Variants in SLCO1B3 observed in about 807,000 individuals in gnomAD.
SLCO1B3 encodes liver-specific organic anion transporter 2.
In SLCO1B3, 72 loss-of-function variants were observed where a neutral mutation model predicts 71.8. The ratio of observed to expected loss-of-function variants is 1.00; its 90% confidence interval spans 0.83 to 1.22. The LOEUF (loss-of-function observed/expected upper bound fraction) is 1.22, where lower values mean the gene tolerates loss of function less well. Ranked by LOEUF, SLCO1B3 falls within the 50% of genes most tolerant of loss-of-function variation. The probability of loss-of-function intolerance (pLI) is 0.00; values close to 1 mark genes in which losing one functional copy is unlikely to be tolerated. For synonymous variants in SLCO1B3, 298 were observed against 278.4 expected (o/e 1.07, Z -0.70); for missense variants, 911 against 819.7 (o/e 1.11, Z -1.36).
intron 13 of SLCO1B3, among the ~76,000 whole-genome samples, chr12:20,895,024 A>G (rs977361510): frequency 2.6e-5 from 4 of 152,202 alleles, no homozygotes; most frequent in African/African-American, 9.6e-5. Flanking sequence ...CGCATTATAA[A>G]GCAATCAAAC....
chr12:20,889,923 T>G (rs911391630), intron 13 of SLCO1B3, among the ~76,000 whole-genome samples: 8 of 152,030 alleles, frequency 5.3e-5, no homozygotes, highest in East Asian at 1.9e-4. Flanking sequence ...TAATTTTTTT[T>G]TTTTTGTTTT....
At chr12:20,849,711 TCACA>T (rs146186543) in intron 3 of SLCO1B3, among the ~76,000 whole-genome samples, 3,557 of 126,314 alleles carry the variant, frequency 0.028, 109 homozygotes, top group African/African-American at 0.08. Context: ...TAGTAGAAAA[TCACA>T]CACACACACA....
intron 8 of SLCO1B3, among the ~76,000 whole-genome samples, chr12:20,863,250 T>A (rs1217539240): frequency 3.9e-5 from 6 of 151,928 alleles, no homozygotes; most frequent in Non-Finnish European, 8.8e-5. Flanking sequence ...CTGCATTGAC[T>A]TACGGCAGGG....
chr12:20,846,868 G>A (rs563976811), intron 3 of SLCO1B3, among the ~76,000 whole-genome samples: 97 of 152,028 alleles, frequency 6.4e-4, no homozygotes, highest in Non-Finnish European at 1.1e-3. Flanking sequence ...ACAGCTTGCC[G>A]TGACTGCAGG....
At chr12:20,894,841 C>T (rs1330557416) in intron 13 of SLCO1B3, among the ~76,000 whole-genome samples, 1 of 152,050 alleles carries the variant, frequency 6.6e-6, no homozygotes, top group Non-Finnish European at 1.5e-5. Flanking sequence ...TGTTTTTATG[C>T]TGCTGATAAA....
chr12:20,829,282 T>G lies in SLCO1B3; in HGVS notation c.84+13460T>G, dbSNP rs1000034198. Reference sequence around the variant, plus strand: ...TAAGGAGAATTTCCAAGACAAAAACTACAATTCAGCTACTGCCTAGGAATG... The same window carrying G: ...TAAGGAGAATTTCCAAGACAAAAACGACAATTCAGCTACTGCCTAGGAATG... On this transcript the variant is annotated intron_variant, in intron 3 of 15. Coordinates refer to ENST00000381545, the MANE Select transcript of SLCO1B3 (RefSeq NM_019844.4). Among the ~76,000 whole-genome samples, 6 of 152,194 alleles carry G rather than the reference T, an allele frequency of 3.9e-5. No individual in the cohort carries two copies. In the East Asian group the frequency reaches 9.6e-4, roughly 24 times the overall value.
At chr12:20,820,743 AG>A in intron 3 of SLCO1B3, among the ~76,000 whole-genome samples, 1 of 152,202 alleles carries the variant, frequency 6.6e-6, no homozygotes, top group African/African-American at 2.4e-5. Flanking sequence ...TTGACCTTTT[AG>A]GGTCTAGGGC....
chr12:20,877,648 G>A lies in SLCO1B3; in HGVS notation c.971-124G>A, dbSNP rs4149135. The A allele has an allele frequency of 0.79, 301,135 of 382,178 alleles. 122,318 individuals carry two copies. Among genetic ancestry groups the A allele is most frequent in the South Asian group, 0.9 (7,334 of 8,112 alleles). The allele number at this position is 382,178 out of a possible 1,614,324, so 23.7% of individuals were successfully genotyped here. A position where few individuals can be genotyped will look rare whatever the true frequency, so the allele number is the denominator to read the frequency against. On this transcript the variant is annotated intron_variant, in intron 9 of 15. Coordinates refer to ENST00000381545, the MANE Select transcript of SLCO1B3 (RefSeq NM_019844.4). ...GTTCCATTTATTTTGAGCAAAGGTC[G>A]CGACTCTCTTAGAAAGCCTCACAAA... is the stretch of plus-strand genomic sequence containing the variant.
At chr12:20,867,392 T>C (rs949779542) in intron 8 of SLCO1B3, among the ~76,000 whole-genome samples, 8 of 150,682 alleles carry the variant, frequency 5.3e-5, no homozygotes, top group Admixed American at 2.6e-4. Flanking sequence ...ATGGAATTCA[T>C]AACCATTCAA....
intron 12 of SLCO1B3, among the ~76,000 whole-genome samples, chr12:20,881,401 G>A (rs1206259748): frequency 6.6e-6 from 1 of 152,152 alleles, no homozygotes; most frequent in African/African-American, 2.4e-5. Context: ...AAAGTTCAGA[G>A]TTAGCCTGTT....
chr12:20,841,448 A>G (rs1864799383), intron 3 of SLCO1B3, among the ~76,000 whole-genome samples: 1 of 152,110 alleles, frequency 6.6e-6, no homozygotes, highest in African/African-American at 2.4e-5. Flanking sequence ...TTAAAATAAG[A>G]TTTGCCCCAA....
chr12:20,900,206 G>T (rs1866099314), intron 14 of SLCO1B3, among the ~76,000 whole-genome samples: 1 of 152,094 alleles, frequency 6.6e-6, no homozygotes, highest in African/African-American at 2.4e-5. Flanking sequence ...GTTTGCTTCA[G>T]ATGCATTGGC....
At chr12:20,912,874 A>C (rs1866413606) in intron 15 of SLCO1B3, among the ~76,000 whole-genome samples, 1 of 43,704 alleles carries the variant, frequency 2.3e-5, no homozygotes, top group Non-Finnish European at 1.4e-4. Flanking sequence ...CATGTTGTTC[A>C]CCATGTTGAT....
intron 3 of SLCO1B3, among the ~76,000 whole-genome samples, chr12:20,833,648 C>G (rs901876577): frequency 7.7e-6 from 1 of 129,772 alleles, no homozygotes; most frequent in Admixed American, 8.8e-5. Context: ...TATATACACA[C>G]AAACTGTGTG....
At chr12:20,845,065 C>G (rs1864886587) in intron 3 of SLCO1B3, 5 of 365,528 alleles carry the variant, frequency 1.4e-5, no homozygotes, top group Non-Finnish European at 2.6e-5. Context: ...TTCTATCCCT[C>G]TAAGTTTCAG....
chr12:20,818,266 T>C (rs975431742), intron 3 of SLCO1B3, among the ~76,000 whole-genome samples: 5 of 152,086 alleles, frequency 3.3e-5, no homozygotes, highest in Non-Finnish European at 1.5e-5. Flanking sequence ...GTGTTTTTAA[T>C]AGACTATTAG....
At chr12:20,857,653 G>A (rs1865168091) in intron 4 of SLCO1B3, among the ~76,000 whole-genome samples, 1 of 151,790 alleles carries the variant, frequency 6.6e-6, no homozygotes, top group Non-Finnish European at 1.5e-5. Flanking sequence ...TTTAAAAAAA[G>A]TTTCTACTCT....
rs3060437 is a variant in SLCO1B3, at chr12:20,825,798, CA to C, written c.84+9994del. Among the ~76,000 whole-genome samples, 511 of 86,192 alleles carry C rather than the reference CA, an allele frequency of 5.9e-3. 5 individuals are homozygous for C. Among genetic ancestry groups the C allele is most frequent in the South Asian group, 0.059 (125 of 2,114 alleles). The allele number at this position is 86,192 out of a possible 152,430, so 56.5% of individuals were successfully genotyped here. ...TGGGTGACAGAGCAAGACTCTGTCTCAAAAAAAAAAAAAAAAAAGAAAGAAA... is the reference window on the plus strand; with the variant it reads ...TGGGTGACAGAGCAAGACTCTGTCTCAAAAAAAAAAAAAAAAAGAAAGAAA... On this transcript the variant is annotated intron_variant, in intron 3 of 15. Coordinates refer to ENST00000381545, the MANE Select transcript of SLCO1B3 (RefSeq NM_019844.4).
At chr12:20,890,408 G>A (rs918755253) in intron 13 of SLCO1B3, among the ~76,000 whole-genome samples, 7 of 152,184 alleles carry the variant, frequency 4.6e-5, no homozygotes, top group Admixed American at 6.5e-5. Context: ...AAATCATTGA[G>A]TATTGCCTTT....
Sources: gnomAD v4.1 joint callset for allele counts (sites outside exome capture counted in the v4.1 genomes callset) on GRCh38, gnomAD v4.1.1 for gene constraint, MANE v1.5 for transcripts, NCBI Gene and HGNC (gene_info 2026-07-23, HGNC 2026-07-21) for gene names.